AAK1: variants seen among roughly 807,000 people sequenced by gnomAD.
The protein encoded by AAK1 is AP2-associated protein kinase 1.
A neutral mutation model predicts 116.0 loss-of-function variants in AAK1; 37 were observed. The observed-to-expected ratio is 0.32, with a 90% CI of 0.25 to 0.42. The LOEUF is 0.42. Ranked by LOEUF, AAK1 falls within the 10% of genes least tolerant of loss-of-function variation. The pLI is 1.00. For synonymous variants in AAK1, 458 were observed against 439.9 expected, an observed-to-expected ratio of 1.04 and a Z score of -0.51; for missense variants, 919 against 1,170.6, an observed-to-expected ratio of 0.79 and a Z score of 3.14.
chr2:69,505,651 T>G lies in AAK1; in HGVS notation c.2187A>C (p.Gly729=). Residue 729 remains glycine, a synonymous_variant, in exon 16 of 22, where the codon GGA becomes GGC. Transcript: ENST00000409085. ...CTGGGATCAAACTCTCAGCTGAGCC[T>G]CCAAGCTTCTCGGGATGTTTGCCTG... ...LGEGKHPEKL[G]GSAESLIPGF... 1 of 1,613,556 alleles carries G rather than the reference T, an allele frequency of 6.2e-7. No homozygotes were observed. Among genetic ancestry groups the G allele is most frequent in the South Asian group, 1.1e-5 (1 of 91,028 alleles).
intron 2 of AAK1, among the ~76,000 whole-genome samples, chr2:69,641,549 G>T (rs1182472347): frequency 1.3e-5 from 2 of 152,180 alleles, no homozygotes; most frequent in Non-Finnish European, 2.9e-5. Context: ...AACTGTCAGA[G>T]ATCTTTTTTA....
Position 69,467,529 on chromosome 2 carries a change from G to GTGA in AAK1, c.*8339_*8340insTCA. On this transcript the variant is annotated 3_prime_UTR_variant, in exon 22 of 22. Coordinates refer to ENST00000409085, the MANE Select transcript of AAK1 (RefSeq NM_014911.5). ...AGAATCCAGAGAAAGGGTGGTTGGG[G>GTGA]GTAAAGGTATCATTTCATCATGGGC... The GTGA allele has an allele frequency of 4.1e-6, 4 of 985,316 alleles. No homozygotes were observed. Among genetic ancestry groups the GTGA allele is most frequent in the Non-Finnish European group, 4.8e-6 (4 of 829,922 alleles). 61.0% of individuals were successfully genotyped at this position (985,316 alleles called of 1,614,324 possible). A position where few individuals can be genotyped will look rare whatever the true frequency, so the allele number is the denominator to read the frequency against.
chr2:69,513,379 G>A (rs971028802), intron 13 of AAK1, among the ~76,000 whole-genome samples: 1 of 151,928 alleles, frequency 6.6e-6, no homozygotes, highest in African/African-American at 2.4e-5. Flanking sequence ...GAGTGCAGTG[G>A]CATGATCTCC....
chr2:69,561,781 CTT>C (rs1671653498), intron 2 of AAK1, among the ~76,000 whole-genome samples: 1 of 152,118 alleles, frequency 6.6e-6, no homozygotes, highest in Non-Finnish European at 1.5e-5. Flanking sequence ...TATTAAATAA[CTT>C]TGGATCTGCT....
intron 2 of AAK1, among the ~76,000 whole-genome samples, chr2:69,576,713 T>C (rs1373244865): frequency 6.6e-6 from 1 of 152,158 alleles, no homozygotes; most frequent in Non-Finnish European, 1.5e-5. Flanking sequence ...CAATTAACCA[T>C]GCTTATGAGA....
intron 2 of AAK1, among the ~76,000 whole-genome samples, chr2:69,613,586 A>G (rs1674186221): frequency 6.6e-6 from 1 of 152,206 alleles, no homozygotes; most frequent in South Asian, 2.1e-4. Flanking sequence ...GAGCTAATCA[A>G]CAAGGGCCAG....
At chr2:69,476,257 T>C (rs1176176608) in intron 21 of AAK1, among the ~76,000 whole-genome samples, 8 of 152,206 alleles carry the variant, frequency 5.3e-5, no homozygotes, top group Admixed American at 1.3e-4. Context: ...AATACTTTTT[T>C]TGGTTGAGAA....
At chr2:69,605,305 T>C (rs1258291548) in intron 2 of AAK1, among the ~76,000 whole-genome samples, 1 of 152,208 alleles carries the variant, frequency 6.6e-6, no homozygotes, top group Non-Finnish European at 1.5e-5. Flanking sequence ...TTGTAACTTC[T>C]GAAAAAGATG....
chr2:69,537,233 GA>G (rs1475535272), intron 5 of AAK1, among the ~76,000 whole-genome samples: 1 of 152,212 alleles, frequency 6.6e-6, no homozygotes, highest in Non-Finnish European at 1.5e-5. Flanking sequence ...TTAAAATGGG[GA>G]AAATGATTAA....
chr2:69,500,554 G>A (rs1675926479), intron 16 of AAK1, among the ~76,000 whole-genome samples: 1 of 151,466 alleles, frequency 6.6e-6, no homozygotes, highest in Non-Finnish European at 1.5e-5. Context: ...CAAGAAAAGT[G>A]CTTACCCAGT....
At chr2:69,487,592 T>C (rs535887846) in intron 17 of AAK1, among the ~76,000 whole-genome samples, 1 of 152,286 alleles carries the variant, frequency 6.6e-6, no homozygotes, top group South Asian at 2.1e-4. Context: ...GGACAGTTCA[T>C]ACCTGAAATG....
Position 69,496,080 on chromosome 2 carries a change from G to C in AAK1, c.2270C>G (p.Ala757Gly). 6.4e-7 allele frequency: 1 copy of C among 1,552,844 alleles called. No individual in the cohort carries two copies. Among genetic ancestry groups the C allele is most frequent in the South Asian group, 1.2e-5 (1 of 84,064 alleles). ...FATTSFSAGT[A>G]EKRKGGQTVD... The stretch of plus-strand genomic sequence containing the variant: ...AGTCTGCCCACCCTTCCTTTTTTCA[G>C]CTGGAGTTAGGTTGGAGGGGAAGGA... Residue 757 changes from alanine (A) to glycine (G), a missense_variant and splice_region_variant, in exon 17 of 22, where the codon GCT becomes GGT. By Grantham distance (60) the Ala-to-Gly change is moderately conservative. This residue lies in a region of AAK1 where 263 missense variants were observed against 285.5 expected (regional missense o/e 0.92). Coordinates refer to ENST00000409085, the MANE Select transcript of AAK1 (RefSeq NM_014911.5).
At position 69,525,100 on chromosome 2, in the gene AAK1, G is replaced by T; in HGVS notation, c.988C>A (p.Pro330Thr). ...PIPNVQNSPI[P>T]AKLPEPVKAS... ...TTCACTGGTTCAGGAAGCTTTGCAG[G>T]AATGGGAGAGTTCTATAGAATTGCA... The change falls in exon 10 of 22, where the codon CCT becomes ACT. Residue 330 changes from proline (P) to threonine (T), a missense_variant. Around this residue, in one of 4 missense-constraint regions of AAK1, gnomAD observed 317 missense variants for 490.4 expected, o/e 0.65. Transcript: ENST00000409085. The T allele has an allele frequency of 6.2e-7, 1 of 1,613,938 alleles. No homozygotes were observed. Among genetic ancestry groups the T allele is most frequent in the South Asian group, 1.1e-5 (1 of 91,074 alleles).
At chr2:69,632,291 C>T (rs930780268) in intron 2 of AAK1, among the ~76,000 whole-genome samples, 1 of 152,204 alleles carries the variant, frequency 6.6e-6, no homozygotes, top group East Asian at 1.9e-4. Flanking sequence ...TTCTCTAAAA[C>T]AGGCAATTTT....
intron 11 of AAK1, 45 bp from the exon 12 acceptor site, chr2:69,519,285 C>T (rs1669640324): frequency 6.8e-7 from 1 of 1,475,388 alleles, no homozygotes; most frequent in Non-Finnish European, 9.0e-7. Flanking sequence ...AATGCTTCCA[C>T]ACAAAAATGG....
At chr2:69,501,972 C>T (rs1477120673) in intron 16 of AAK1, among the ~76,000 whole-genome samples, 1 of 151,672 alleles carries the variant, frequency 6.6e-6, no homozygotes, top group Non-Finnish European at 1.5e-5. Flanking sequence ...CACCATCTCA[C>T]ACAAACAAAC....
At chr2:69,519,710 C>T (rs17036702) in intron 11 of AAK1, among the ~76,000 whole-genome samples, 3,075 of 152,294 alleles carry the variant, frequency 0.02, 95 homozygotes, top group African/African-American at 0.07. Context: ...GGTTCAGTTA[C>T]TCGATATTTT....
intron 2 of AAK1, among the ~76,000 whole-genome samples, chr2:69,623,807 A>C (rs948068714): frequency 6.6e-6 from 1 of 152,174 alleles, no homozygotes; most frequent in African/African-American, 2.4e-5. Context: ...AGACTAACAT[A>C]CTTGATAGCA....
Position 69,474,336 on chromosome 2 carries a change from C to G in AAK1, c.*1533G>C. On this transcript the variant is annotated 3_prime_UTR_variant, in exon 22 of 22. Coordinates refer to ENST00000409085, the MANE Select transcript of AAK1 (RefSeq NM_014911.5). ...GGACAATGGCACTAGAGGAAAAGAA[C>G]AGGAGTGGGGTTCTCTGTGCCCACT... 2 of 985,800 alleles carry G rather than the reference C, an allele frequency of 2.0e-6. No individual in the cohort carries two copies. The highest frequency in any genetic ancestry group is 2.4e-6 in the Non-Finnish European group (2 of 829,912). 61.1% of individuals were successfully genotyped at this position (985,800 alleles called of 1,614,324 possible). A position where few individuals can be genotyped will look rare whatever the true frequency, so the allele number is the denominator to read the frequency against.
Sources: gnomAD v4.1 joint callset for allele counts (sites outside exome capture counted in the v4.1 genomes callset) on GRCh38, gnomAD v4.1.1 for gene constraint, gnomAD v4.1.1 regional missense constraint, MANE v1.5 for transcripts, NCBI Gene and HGNC (gene_info 2026-07-23, HGNC 2026-07-21) for gene names.